The following CACNA2D3 variants were observed in gnomAD, a reference collection of about 807,000 sequenced individuals.
CACNA2D3 encodes calcium voltage-gated channel auxiliary subunit alpha2delta 3.
Under a neutral mutation model 160.6 loss-of-function variants are expected in CACNA2D3, and 60 were observed. The observed-to-expected ratio is 0.37, with a 90% CI of 0.30 to 0.46. The LOEUF (loss-of-function observed/expected upper bound fraction) is 0.46, where lower values mean the gene tolerates loss of function less well. Ranked by LOEUF, CACNA2D3 falls within the 20% of genes least tolerant of loss-of-function variation. The probability of loss-of-function intolerance (pLI) is 1.00; values close to 1 mark genes in which losing one functional copy is unlikely to be tolerated. For missense variants in CACNA2D3, 1,205 were observed against 1,365.0 expected, an observed-to-expected ratio of 0.88 and a Z score of 1.85; for synonymous variants, 558 against 492.9, an observed-to-expected ratio of 1.13 and a Z score of -1.75.
At chr3:54,285,539 C>A (rs1226249803) in intron 2 of CACNA2D3, among the ~76,000 whole-genome samples, 1 of 152,236 alleles carries the variant, frequency 6.6e-6, no homozygotes, top group Non-Finnish European at 1.5e-5. Context: ...GCAGTAACCT[C>A]TGCAGACTTA....
chr3:54,508,328 G>A (rs1701404992), intron 5 of CACNA2D3, among the ~76,000 whole-genome samples: 1 of 152,196 alleles, frequency 6.6e-6, no homozygotes, highest in Non-Finnish European at 1.5e-5. Context: ...TCACACTGAA[G>A]AAGAGGGAGA....
intron 17 of CACNA2D3, among the ~76,000 whole-genome samples, chr3:54,852,864 C>T (rs1229175600): frequency 6.6e-6 from 1 of 152,132 alleles, no homozygotes; most frequent in African/African-American, 2.4e-5. Context: ...AAGGTAGGAG[C>T]ACTTCTAGAA....
At chr3:54,279,378 A>G (rs962682124) in intron 2 of CACNA2D3, among the ~76,000 whole-genome samples, 5 of 152,082 alleles carry the variant, frequency 3.3e-5, no homozygotes, top group Non-Finnish European at 5.9e-5. Context: ...TGGCCCTACT[A>G]GTATGTATGC....
intron 12 of CACNA2D3, among the ~76,000 whole-genome samples, chr3:54,763,772 TATATGTAC>T (rs1702144776): frequency 1.8e-5 from 1 of 56,818 alleles, no homozygotes; most frequent in East Asian, 5.9e-4. Context: ...TATATATGTA[TATATGTAC>T]ATATATATGT....
At chr3:55,037,638 A>AT (rs918825899) in intron 35 of CACNA2D3, among the ~76,000 whole-genome samples, 3 of 152,202 alleles carry the variant, frequency 2.0e-5, no homozygotes, top group Middle Eastern at 3.2e-3. Flanking sequence ...CAACTCTGTG[A>AT]TTTTTAAAGA....
At chr3:54,963,278 G>T (rs970143304) in intron 27 of CACNA2D3, among the ~76,000 whole-genome samples, 1 of 152,082 alleles carries the variant, frequency 6.6e-6, no homozygotes, top group Non-Finnish European at 1.5e-5. Context: ...CTGGGGAGTG[G>T]TAGTATGGAC....
intron 4 of CACNA2D3, among the ~76,000 whole-genome samples, chr3:54,436,091 A>G (rs1485988510): frequency 2.6e-5 from 4 of 152,216 alleles, no homozygotes; most frequent in Non-Finnish European, 5.9e-5. Context: ...AATAATAACA[A>G]AAGAACTAGA....
At chr3:54,830,544 G>T (rs1355239102) in intron 14 of CACNA2D3, among the ~76,000 whole-genome samples, 1 of 151,348 alleles carries the variant, frequency 6.6e-6, no homozygotes, top group Non-Finnish European at 1.5e-5. Flanking sequence ...CACCTCCTGG[G>T]CTCAAGCAAT....
chr3:55,003,557 A>G (rs1184608572), intron 31 of CACNA2D3, among the ~76,000 whole-genome samples: 1 of 152,202 alleles, frequency 6.6e-6, no homozygotes, highest in East Asian at 1.9e-4. Flanking sequence ...CCAATGGGGT[A>G]CAGATGCTTA....
intron 17 of CACNA2D3, among the ~76,000 whole-genome samples, chr3:54,848,091 A>G (rs1698974222): frequency 1.3e-5 from 2 of 152,246 alleles, no homozygotes; most frequent in Non-Finnish European, 2.9e-5. Context: ...CCCGCCACAC[A>G]GTCGACTCAC....
intron 35 of CACNA2D3, among the ~76,000 whole-genome samples, chr3:55,068,302 A>G (rs1253600900): frequency 1.3e-5 from 2 of 152,238 alleles, no homozygotes; most frequent in East Asian, 1.9e-4. Context: ...GAGAGCTATC[A>G]TCAACCTAGA....
At position 54,813,655 on chromosome 3, in the gene CACNA2D3, C is replaced by T. The variant is rs77854190; in HGVS notation, c.1381-3198C>T. Among the ~76,000 whole-genome samples the T allele has an allele frequency of 3.9e-3, 595 of 152,072 alleles. 2 individuals carry two copies. Among genetic ancestry groups the T allele is most frequent in the African/African-American group, 0.014 (575 of 41,486 alleles). ...GTAGCTTATTTAACAAGGGAAGTACCAGTCACAGGTTAGAGGACTTCACAC... is the reference window on the plus strand; with the variant it reads ...GTAGCTTATTTAACAAGGGAAGTACTAGTCACAGGTTAGAGGACTTCACAC... On this transcript the variant is annotated intron_variant, in intron 13 of 37. Coordinates refer to ENST00000474759, the MANE Select transcript of CACNA2D3 (RefSeq NM_018398.3).
intron 4 of CACNA2D3, among the ~76,000 whole-genome samples, chr3:54,466,736 A>T (rs1385548344): frequency 6.6e-6 from 1 of 152,240 alleles, no homozygotes; most frequent in Non-Finnish European, 1.5e-5. Flanking sequence ...TGTGATTTCT[A>T]GGCTGCGTTG....
At chr3:54,838,966 A>G (rs1311808255) in intron 16 of CACNA2D3, among the ~76,000 whole-genome samples, 2 of 152,188 alleles carry the variant, frequency 1.3e-5, no homozygotes, top group Non-Finnish European at 2.9e-5. Context: ...CCTTTTAAAA[A>G]GATAGTCCAG....
rs1701766667 is a variant in CACNA2D3 at position 54,231,305 on chromosome 3, TCTGGTC to T, written c.205-89134_205-89129del. 2.0e-5 allele frequency among the ~76,000 whole-genome samples: 3 copies of T among 152,302 alleles called. No homozygotes were observed. The South Asian group carries it at 6.2e-4, about 32-fold the overall frequency. ...TAAGCAGGAGTTACAAAGCCTGCCT[TCTGGTC>T]CTCACTCTGCCAGCTAATTTCATGG... On this transcript the variant is annotated intron_variant, in intron 2 of 37. Coordinates refer to ENST00000474759, the MANE Select transcript of CACNA2D3 (RefSeq NM_018398.3).
At chr3:54,957,597 G>T (rs1387002534) in intron 27 of CACNA2D3, among the ~76,000 whole-genome samples, 2 of 152,198 alleles carry the variant, frequency 1.3e-5, no homozygotes, top group Admixed American at 1.3e-4. Flanking sequence ...GAGGTCTGGT[G>T]TGTGTGTTAG....
rs568329532 is a variant in CACNA2D3, at chr3:54,692,522, TTTCTTTTCTA to T, written c.1167+50291_1167+50300del. On this transcript the variant is annotated intron_variant, in intron 11 of 37. Transcript: ENST00000474759. The stretch of plus-strand genomic sequence containing the variant: ...TGGGCTGACATGCTCCCTGCTTGCT[TTTCTTTTCTA>T]TTCTTTTCTTTCTTTCTTTTGTGTT... Among the ~76,000 whole-genome samples, 49 of 152,308 alleles carry T rather than the reference TTTCTTTTCTA, an allele frequency of 3.2e-4. No homozygotes were observed. In the East Asian group the frequency reaches 9.1e-3, roughly 28 times the overall value.
intron 35 of CACNA2D3, among the ~76,000 whole-genome samples, chr3:55,023,474 G>A (rs545861366): frequency 2.6e-5 from 4 of 151,684 alleles, no homozygotes; most frequent in Non-Finnish European, 5.9e-5. Flanking sequence ...CTTATTCTTC[G>A]GTTCTCTGTA....
intron 34 of CACNA2D3, among the ~76,000 whole-genome samples, chr3:55,014,577 A>G (rs1452705285): frequency 1.3e-5 from 2 of 152,184 alleles, no homozygotes; most frequent in East Asian, 1.9e-4. Flanking sequence ...TAAAAATACA[A>G]AAAAACTAGC....
Sources: allele counts gnomAD v4.1 joint callset (sites outside exome capture counted in the v4.1 genomes callset), GRCh38; gene constraint gnomAD v4.1.1; transcripts MANE v1.5; gene names NCBI Gene and HGNC (gene_info 2026-07-23, HGNC 2026-07-21).